DMD: variants seen among roughly 807,000 people sequenced by gnomAD.
DMD encodes mutant dystrophin.
DMD carries 63 observed loss-of-function variants against 330.1 expected under a neutral mutation model. The ratio of observed to expected loss-of-function variants is 0.19; its 90% CI spans 0.16 to 0.24. The LOEUF is 0.24. DMD is among the 10% of genes least tolerant of loss of function. DMD has a pLI of 1.00. For synonymous variants in DMD, 1,223 were observed against 959.8 expected, an observed-to-expected ratio of 1.27 and a Z score of -5.07; for missense variants, 3,344 against 2,684.1, an observed-to-expected ratio of 1.25 and a Z score of -5.43.
chrX:32,394,634 G>A (rs1334492608), intron 30 of DMD, among the ~76,000 whole-genome samples: 1 of 110,862 alleles, frequency 9.0e-6, no homozygotes, highest in Admixed American at 9.7e-5. Flanking sequence ...GGTATCTGCT[G>A]AGGATGAGAG....
At chrX:31,640,709 T>C (rs2079688044) in intron 54 of DMD, among the ~76,000 whole-genome samples, 1 of 112,553 alleles carries the variant, frequency 8.9e-6, no homozygotes, top group Admixed American at 9.4e-5. Flanking sequence ...CCATGTGACA[T>C]AGCGTTATTC....
At chrX:32,359,545 C>A (rs1384810157) in intron 37 of DMD, among the ~76,000 whole-genome samples, 1 of 111,494 alleles carries the variant, frequency 9.0e-6, no homozygotes, top group African/African-American at 3.3e-5. Context: ...ATAACCCCTA[C>A]TATAAAGAAA....
rs139501780 is a variant in DMD at position 31,814,044 on chromosome X, T to A, written c.7309+5931A>T. On this transcript the variant is annotated intron_variant, in intron 50 of 78. Transcript: ENST00000357033. The stretch of plus-strand genomic sequence containing the variant: ...GTCCTTTGCAGAAACAGTCTGTTGA[T>A]CCCTTATATAGTTGGTAGCACAACT... Among the ~76,000 whole-genome samples the A allele has an allele frequency of 4.3e-3, 477 of 110,863 alleles. 2 individuals carry two copies. Among genetic ancestry groups the A allele is most frequent in the African/African-American group, 0.014 (417 of 30,501 alleles).
chrX:31,418,337 G>T (rs1419467369), intron 60 of DMD, among the ~76,000 whole-genome samples: 1 of 110,884 alleles, frequency 9.0e-6, no homozygotes, highest in Non-Finnish European at 1.9e-5. Flanking sequence ...TGTGGGCTCT[G>T]CCCTCATGAT....
intron 44 of DMD, among the ~76,000 whole-genome samples, chrX:32,086,370 G>T (rs1410200092): frequency 1.8e-5 from 2 of 111,645 alleles, no homozygotes; most frequent in African/African-American, 6.5e-5. Context: ...TCATCTTTTT[G>T]CTACTGCTAT....
intron 16 of DMD, 79 bp downstream of exon 16, chrX:32,565,623 G>T: frequency 1.0e-6 from 1 of 998,346 alleles, no homozygotes; most frequent in South Asian, 2.0e-5. Context: ...TTCTTTTGTA[G>T]GGTTATAATG....
chrX:31,173,342 A>T (rs1247384882), intron 72 of DMD, among the ~76,000 whole-genome samples, 197 bp downstream of exon 72: 1 of 112,105 alleles, frequency 8.9e-6, no homozygotes, highest in Admixed American at 9.5e-5. Context: ...AGGGAAGATT[A>T]TTCTGGACTA....
intron 44 of DMD, among the ~76,000 whole-genome samples, chrX:32,204,404 A>T (rs1215698425): frequency 8.9e-6 from 1 of 112,551 alleles, no homozygotes; most frequent in Non-Finnish European, 1.9e-5. Flanking sequence ...CAACTTTATA[A>T]ATTACTGCAA....
intron 55 of DMD, among the ~76,000 whole-genome samples, chrX:31,599,059 T>C (rs1244650785): frequency 1.8e-5 from 2 of 111,963 alleles, no homozygotes; most frequent in Non-Finnish European, 3.8e-5. Flanking sequence ...TCTGGAGTTA[T>C]AAAATCCTGA....
chrX:31,491,585 C>A (rs1331667175), intron 57 of DMD, among the ~76,000 whole-genome samples: 5 of 112,018 alleles, frequency 4.5e-5, no homozygotes, highest in Non-Finnish European at 7.5e-5. Flanking sequence ...GCATCTGGAG[C>A]ATTATTTTAT....
chrX:31,382,979 A>G lies in DMD; in HGVS notation c.9085-34345T>C, dbSNP rs1438969729. On this transcript the variant is annotated intron_variant, in intron 60 of 78. Coordinates refer to ENST00000357033, the MANE Select transcript of DMD (RefSeq NM_004006.3). The stretch of plus-strand genomic sequence containing the variant: ...CCCTGTGACCTACACATATACATCC[A>G]GATGGCCTGAAGTAACTGAAAAATC... Among the ~76,000 whole-genome samples, 3 of 112,449 alleles carry G rather than the reference A, an allele frequency of 2.7e-5. No homozygotes were observed. In the Admixed American group the frequency reaches 2.8e-4, roughly 11 times the overall value.
At chrX:32,918,979 G>T (rs753923473) in intron 2 of DMD, among the ~76,000 whole-genome samples, 1 of 112,240 alleles carries the variant, frequency 8.9e-6, no homozygotes, top group Non-Finnish European at 1.9e-5. Context: ...CCCAAAGGAC[G>T]TTCAAAAGCT....
At chrX:32,181,061 T>G (rs2096925527) in intron 44 of DMD, among the ~76,000 whole-genome samples, 1 of 111,890 alleles carries the variant, frequency 8.9e-6, no homozygotes, top group Non-Finnish European at 1.9e-5. Flanking sequence ...AAAGTACAGA[T>G]CTTTGCAAGT....
At chrX:33,157,241 T>C (rs1026219554) in intron 1 of DMD, among the ~76,000 whole-genome samples, 3 of 111,359 alleles carry the variant, frequency 2.7e-5, no homozygotes, top group Non-Finnish European at 5.6e-5. Flanking sequence ...GTTCCGTGCC[T>C]CTTTCTTAGC....
intron 55 of DMD, among the ~76,000 whole-genome samples, chrX:31,543,571 G>T (rs2073971257): frequency 8.9e-6 from 1 of 112,243 alleles, no homozygotes; most frequent in African/African-American, 3.2e-5. Context: ...GTTTACATGA[G>T]AAAGAAATAC....
chrX:32,774,906 T>G (rs2073988034), intron 7 of DMD, among the ~76,000 whole-genome samples: 1 of 112,134 alleles, frequency 8.9e-6, no homozygotes, highest in African/African-American at 3.2e-5. Context: ...AAGTTTCATC[T>G]GAGACAAGGC....
At chrX:32,570,618 A>G (rs1022646472) in intron 15 of DMD, among the ~76,000 whole-genome samples, 1 of 111,754 alleles carries the variant, frequency 8.9e-6, no homozygotes, top group African/African-American at 3.2e-5. Context: ...AAATAGATTG[A>G]AAGGCCTGGA....
At chrX:31,544,713 T>C (rs2074047224) in intron 55 of DMD, among the ~76,000 whole-genome samples, 1 of 111,414 alleles carries the variant, frequency 9.0e-6, no homozygotes, top group Non-Finnish European at 1.9e-5. Flanking sequence ...TTATATTAAA[T>C]AAATTCGCAT....
At chrX:32,448,326 C>G in intron 27 of DMD, 130 bp downstream of exon 27, 1 of 706,748 alleles carries the variant, frequency 1.4e-6, no homozygotes, top group African/African-American at 2.1e-5. Flanking sequence ...AGTCATACAA[C>G]TTATAAGTGC....
Sources: gnomAD v4.1 joint callset for allele counts (sites outside exome capture counted in the v4.1 genomes callset) on GRCh38, gnomAD v4.1.1 for gene constraint, MANE v1.5 for transcripts, NCBI Gene and HGNC (gene_info 2026-07-23, HGNC 2026-07-21) for gene names.